The following CRISPLD1 variants were observed in gnomAD, a reference collection of about 807,000 sequenced individuals.
CRISPLD1 encodes the protein cysteine rich secretory protein LCCL domain containing 1.
Under a neutral mutation model 77.5 loss-of-function variants are expected in CRISPLD1, and 60 were observed. The observed-to-expected ratio is 0.77, with a 90% confidence interval of 0.63 to 0.96. The LOEUF is 0.96. Ranked by LOEUF, CRISPLD1 falls within the 40% of genes least tolerant of loss-of-function variation. The pLI is 0.00. For missense variants in CRISPLD1, 623 were observed against 615.8 expected (o/e 1.01, Z -0.12); for synonymous variants, 195 against 200.1 (o/e 0.97, Z 0.22).
At chr8:74,987,674 T>G (rs931263868) in intron 2 of CRISPLD1, among the ~76,000 whole-genome samples, 1 of 152,252 alleles carries the variant, frequency 6.6e-6, no homozygotes, top group Admixed American at 6.5e-5. Context: ...TGAAAAATTC[T>G]ATGACTTCTT....
intron 13 of CRISPLD1, chr8:75,026,600 A>G (rs1813240394): frequency 6.6e-6 from 1 of 152,096 alleles, no homozygotes; most frequent in African/African-American, 2.4e-5. Flanking sequence ...CATGCTGATG[A>G]GTTTACGTTT....
chr8:74,994,525 G>A (rs1293901546), intron 2 of CRISPLD1, among the ~76,000 whole-genome samples: 1 of 152,104 alleles, frequency 6.6e-6, no homozygotes, highest in Non-Finnish European at 1.5e-5. Flanking sequence ...AGAAATCTCT[G>A]GTCACCCATT....
At chr8:74,999,891 A>G (rs1202489701) in intron 2 of CRISPLD1, among the ~76,000 whole-genome samples, 2 of 151,760 alleles carry the variant, frequency 1.3e-5, no homozygotes, top group Non-Finnish European at 2.9e-5. Flanking sequence ...GAAATGGGAA[A>G]TGAATCTCAA....
In CRISPLD1 at chr8:75,025,536, T is replaced by C. The variant is rs769850634; in HGVS notation, c.1245-10T>C. On this transcript the variant is annotated splice_polypyrimidine_tract_variant and intron_variant, in intron 12 of 14. Transcript: ENST00000262207. ...TACTTAATATATATATAATATATTA[T>C]TTTTTTCAGAGTATACTGTCCTCGT... 2.2e-6 allele frequency: 3 copies of C among 1,380,072 alleles called. No individual in the cohort carries two copies. The South Asian group carries it at 4.2e-5, about 19-fold the overall frequency. The allele number at this position is 1,380,072 out of a possible 1,614,324, so 85.5% of individuals were successfully genotyped here. A position where few individuals can be genotyped will look rare whatever the true frequency, so the allele number is the denominator to read the frequency against.
chr8:75,007,060 A>G (rs1298625058), intron 2 of CRISPLD1, among the ~76,000 whole-genome samples: 1 of 152,164 alleles, frequency 6.6e-6, no homozygotes, highest in Non-Finnish European at 1.5e-5. Flanking sequence ...AACCTCAATT[A>G]TCAGAAAATA....
chr8:75,016,639 G>A lies in CRISPLD1; in HGVS notation c.802G>A (p.Asp268Asn). 1 of 1,613,520 alleles carries A rather than the reference G, an allele frequency of 6.2e-7. No individual in the cohort carries two copies. Among genetic ancestry groups the A allele is most frequent in the Non-Finnish European group, 8.5e-7 (1 of 1,179,606 alleles). Residue 268 changes from aspartate to asparagine, a missense_variant, in exon 7 of 15, where the codon GAC becomes AAC. Physicochemically the swap from Asp to Asn is conservative, Grantham distance 23. Transcript: ENST00000262207. ...EIERQQSQVH[D>N]THVRTRSDDS... ...AGAACGACAGCAGTCACAAGTCCAT[G>A]ACACCCATGTCCGGACAAGATCAGA...
Position 75,029,422 on chromosome 8 carries a change from A to C in CRISPLD1, c.1356A>C (p.Gly452=), listed in dbSNP as rs766166669. The change falls in exon 14 of 15, where the codon GGA becomes GGC. Residue 452 remains glycine, a synonymous_variant. Coordinates refer to ENST00000262207, the MANE Select transcript of CRISPLD1 (RefSeq NM_031461.6). ...SSICRAAVHA[G]VVRNHGGYVD... ...TCTGCAGAGCAGCAGTACATGCTGG[A>C]GTGGTTCGAAATCACGGTGGTTATG... 1.9e-6 allele frequency: 3 copies of C among 1,613,672 alleles called. No individual in the cohort carries two copies. Among genetic ancestry groups the C allele is most frequent in the Non-Finnish European group, 2.5e-6 (3 of 1,179,750 alleles).
chr8:75,028,643 G>A (rs182560588), intron 13 of CRISPLD1, among the ~76,000 whole-genome samples: 15 of 152,204 alleles, frequency 9.9e-5, no homozygotes, highest in African/African-American at 3.4e-4. Context: ...AAAAGTATTG[G>A]ACCTGAAACA....
At chr8:75,016,469 A>C (rs1488121139) in intron 6 of CRISPLD1, 96 bp from the exon 7 acceptor site, 17 of 1,223,420 alleles carry the variant, frequency 1.4e-5, no homozygotes, top group Non-Finnish European at 1.7e-5. Context: ...TTCTAGTTCT[A>C]AATGTTAAAT....
chr8:74,985,858 T>C, intron 1 of CRISPLD1, 68 bp from the exon 2 acceptor site: 1 of 1,015,892 alleles, frequency 9.8e-7, no homozygotes, highest in East Asian at 2.4e-5. Flanking sequence ...ACTGTTGTTT[T>C]GCTCGTGTTA....
chr8:75,008,776 T>A (rs961153550), intron 2 of CRISPLD1, among the ~76,000 whole-genome samples: 1 of 152,158 alleles, frequency 6.6e-6, no homozygotes, highest in Non-Finnish European at 1.5e-5. Context: ...AAATACAGCT[T>A]ATGCATTGTA....
intron 2 of CRISPLD1, among the ~76,000 whole-genome samples, chr8:74,993,391 A>T (rs996744588): frequency 1.3e-5 from 2 of 152,142 alleles, no homozygotes; most frequent in African/African-American, 2.4e-5. Context: ...GAATATCATT[A>T]TTACTTAAAA....
intron 2 of CRISPLD1, among the ~76,000 whole-genome samples, chr8:75,009,169 T>C: frequency 6.6e-6 from 1 of 152,074 alleles, no homozygotes; most frequent in Admixed American, 6.6e-5. Context: ...TGACTTGAGT[T>C]GCTGTCATCT....
At chr8:74,987,431 A>G (rs1260801839) in intron 2 of CRISPLD1, among the ~76,000 whole-genome samples, 11 of 152,190 alleles carry the variant, frequency 7.2e-5, no homozygotes, top group Admixed American at 5.2e-4. Context: ...TACTCACCTC[A>G]AAGGATTATT....
chr8:74,986,797 G>A (rs1201600124), intron 2 of CRISPLD1, among the ~76,000 whole-genome samples: 1 of 152,124 alleles, frequency 6.6e-6, no homozygotes, highest in Non-Finnish European at 1.5e-5. Flanking sequence ...TGAACTTGAA[G>A]CATGAAAATA....
intron 3 of CRISPLD1, 69 bp downstream of exon 3, chr8:75,012,620 C>A: frequency 9.1e-7 from 1 of 1,094,492 alleles, no homozygotes; most frequent in Non-Finnish European, 1.4e-6. Flanking sequence ...ATTAATTCAT[C>A]AGTACAATTT....
chr8:74,985,945 C>T lies in CRISPLD1; in HGVS notation c.-43C>T, dbSNP rs371408834. On this transcript the variant is annotated 5_prime_UTR_variant, in exon 2 of 15. Transcript: ENST00000262207. ...TTATAGCCAAAAGGAGTGGAAGAGC[C>T]TGTCTTGGAGATTTTCCTGGGGAAA... 94 of 1,579,090 alleles carry T rather than the reference C, an allele frequency of 6.0e-5. No individual in the cohort carries two copies. The African/African-American group carries it at 1.1e-3, about 18-fold the overall frequency.
chr8:75,000,604 C>T (rs1353326064), intron 2 of CRISPLD1, among the ~76,000 whole-genome samples: 1 of 152,140 alleles, frequency 6.6e-6, no homozygotes, highest in Admixed American at 6.5e-5. Flanking sequence ...TTAAGACTCA[C>T]TTAGAGCCTA....
chr8:75,018,323 G>A (rs558275743), intron 10 of CRISPLD1, among the ~76,000 whole-genome samples: 3 of 138,102 alleles, frequency 2.2e-5, no homozygotes, highest in African/African-American at 7.4e-5. Flanking sequence ...AGACTGGAGT[G>A]CAGTGTCACC....
Sources: allele counts gnomAD v4.1 joint callset (sites outside exome capture counted in the v4.1 genomes callset), GRCh38; gene constraint gnomAD v4.1.1; transcripts MANE v1.5; gene names NCBI Gene and HGNC (gene_info 2026-07-23, HGNC 2026-07-21).